HSPA12A: variants seen among roughly 807,000 people sequenced by gnomAD.
HSPA12A encodes the protein heat shock protein family A (Hsp70) member 12A.
HSPA12A carries 28 observed loss-of-function variants against 69.2 expected under a neutral mutation model. The observed-to-expected ratio is 0.40, with a 90% CI of 0.30 to 0.55. The LOEUF (loss-of-function observed/expected upper bound fraction) is 0.55. Ranked by LOEUF, HSPA12A falls within the 20% of genes least tolerant of loss-of-function variation. The pLI is 0.38. For missense variants in HSPA12A, 686 were observed against 900.7 expected (o/e 0.76, Z 3.05); for synonymous variants, 345 against 370.5 (o/e 0.93, Z 0.79).
chr10:116,678,318 A>AAC (rs1849298373), intron 10 of HSPA12A, among the ~76,000 whole-genome samples: 1 of 122,830 alleles, frequency 8.1e-6, no homozygotes, highest in African/African-American at 3.1e-5. Context: ...CTTGAATCTG[A>AAC]TTAAACCTCT....
At position 116,678,025 on chromosome 10, in the gene HSPA12A, C is replaced by T. The variant is rs902863628; in HGVS notation, c.1286+1478G>A. ...CTCATAAATGGAGGTTGAAACCCAA[C>T]CTATTTATCCTGTCTTCCCTAAGTG... On this transcript the variant is annotated intron_variant, in intron 10 of 11. Coordinates refer to ENST00000369209, the MANE Select transcript of HSPA12A (RefSeq NM_025015.3). Among the ~76,000 whole-genome samples, 3 of 151,518 alleles carry T rather than the reference C, an allele frequency of 2.0e-5. No homozygotes were observed. In the East Asian group the frequency reaches 5.8e-4, roughly 29 times the overall value.
At chr10:116,798,989 C>G (rs537678044) in intron 2 of HSPA12A, among the ~76,000 whole-genome samples, 5 of 152,084 alleles carry the variant, frequency 3.3e-5, no homozygotes, top group Non-Finnish European at 7.4e-5. Flanking sequence ...AGGGAGTGGC[C>G]GACAGGGCCC....
At position 116,750,396 on chromosome 10, in the gene HSPA12A, G is replaced by C. The variant is rs543171442; in HGVS notation, c.92-43111C>G. The C allele has an allele frequency of 2.6e-5, 18 of 701,022 alleles. No individual in the cohort carries two copies. In the East Asian group the frequency reaches 4.5e-4, roughly 18 times the overall value. 43.4% of individuals were successfully genotyped at this position (701,022 alleles called of 1,614,324 possible). ...AAAGTCTTGGGGGGCCTTGAAGGGAGCACAGATGGAGGCTTGTCTACCCCT... is the reference window on the plus strand; with the variant it reads ...AAAGTCTTGGGGGGCCTTGAAGGGACCACAGATGGAGGCTTGTCTACCCCT... On this transcript the variant is annotated intron_variant, in intron 2 of 12. Coordinates refer to the HSPA12A transcript ENST00000635765.
intron 2 of HSPA12A, among the ~76,000 whole-genome samples, chr10:116,812,362 A>G (rs1360021175): frequency 6.6e-6 from 1 of 152,144 alleles, no homozygotes; most frequent in Non-Finnish European, 1.5e-5. Flanking sequence ...CTGAGGCAGG[A>G]GAATCGCTTG....
chr10:116,791,041 G>T (rs553730175), intron 2 of HSPA12A, among the ~76,000 whole-genome samples: 2 of 152,176 alleles, frequency 1.3e-5, no homozygotes, highest in Non-Finnish European at 2.9e-5. Flanking sequence ...CTAAATCTAC[G>T]TGTTTATTTG....
chr10:116,767,758 C>T (rs572121064), intron 2 of HSPA12A, among the ~76,000 whole-genome samples: 5 of 152,262 alleles, frequency 3.3e-5, no homozygotes, highest in Admixed American at 6.5e-5. Context: ...CTTCTGATGC[C>T]GTGTGTGGCT....
intron 2 of HSPA12A, among the ~76,000 whole-genome samples, chr10:116,803,664 C>A (rs1845007927): frequency 6.6e-6 from 1 of 152,148 alleles, no homozygotes; most frequent in Admixed American, 6.5e-5. Context: ...ATGATCGGAG[C>A]GTGAACTGTA....
chr10:116,810,816 C>T (rs925998884), intron 2 of HSPA12A, among the ~76,000 whole-genome samples: 2 of 152,194 alleles, frequency 1.3e-5, no homozygotes, highest in East Asian at 1.9e-4. Flanking sequence ...AGCTCCTCTC[C>T]GTTGAACAGA....
At position 116,679,604 on chromosome 10, in the gene HSPA12A, T is replaced by G. The variant is rs1554878277; in HGVS notation, c.1185A>C (p.Pro395=). The G allele has an allele frequency of 1.2e-6, 2 of 1,614,276 alleles. No homozygotes were observed. ...AFESRKRAAA[P]DRTNPLNITL... ...TGATGTTCAGCGGGTTAGTTCTGTCTGGGGCAGCCGCCCTTTTGCGAGACT... is the reference window on the plus strand; with the variant it reads ...TGATGTTCAGCGGGTTAGTTCTGTCGGGGGCAGCCGCCCTTTTGCGAGACT... Residue 395 remains proline, a synonymous_variant, in exon 10 of 12, where the codon CCA becomes CCC. Coordinates refer to ENST00000369209, the MANE Select transcript of HSPA12A (RefSeq NM_025015.3).
rs782515117 is a variant in HSPA12A, at chr10:116,705,278, T to C, written c.127A>G (p.Asn43Asp). ...ITPLSPSHIV[N>D]DTDSNVSEQQ... ...TCTGAGACGTTGGAGTCAGTGTCGT[T>C]CTGCAGATATACAGTGAGGCATGGG... The change falls in exon 3 of 12, where the codon AAC becomes GAC. Residue 43 changes from asparagine (N) to aspartate (D), a missense_variant and splice_region_variant. Coordinates refer to ENST00000369209, the MANE Select transcript of HSPA12A (RefSeq NM_025015.3). The C allele has an allele frequency of 7.4e-6, 12 of 1,614,074 alleles. No individual in the cohort carries two copies. The highest frequency in any genetic ancestry group is 1.0e-5 in the Non-Finnish European group (12 of 1,180,016).
chr10:116,792,259 CA>C lies in HSPA12A; in HGVS notation c.91+42675del, dbSNP rs55642476. On this transcript the variant is annotated intron_variant, in intron 2 of 12. Transcript: ENST00000635765. Reference sequence around the variant, plus strand: ...GGGCAACAAGAATGAAACTCGGTCTCAAAAAAAAAAAAAAAAAAAAAATTAT... The same window carrying C: ...GGGCAACAAGAATGAAACTCGGTCTCAAAAAAAAAAAAAAAAAAAAATTAT... Among the ~76,000 whole-genome samples the C allele has an allele frequency of 7.9e-3, 484 of 60,970 alleles. 5 individuals carry two copies. Among genetic ancestry groups the C allele is most frequent in the African/African-American group, 0.027 (406 of 14,860 alleles). 40.0% of individuals were successfully genotyped at this position (60,970 alleles called of 152,430 possible).
At chr10:116,826,960 C>A (rs570450275) in intron 2 of HSPA12A, among the ~76,000 whole-genome samples, 2 of 152,162 alleles carry the variant, frequency 1.3e-5, no homozygotes, top group Non-Finnish European at 2.9e-5. Flanking sequence ...AGAGGAATCA[C>A]GTCATTTGCT....
chr10:116,763,686 C>A (rs1403410291), intron 2 of HSPA12A, among the ~76,000 whole-genome samples: 1 of 152,104 alleles, frequency 6.6e-6, no homozygotes, highest in African/African-American at 2.4e-5. Context: ...ACAAAGGGGT[C>A]ATTTTTCTCT....
chr10:116,776,309 C>T (rs575768892), intron 2 of HSPA12A, among the ~76,000 whole-genome samples: 21 of 152,156 alleles, frequency 1.4e-4, no homozygotes, highest in Admixed American at 3.9e-4. Flanking sequence ...AGCTCTTGGC[C>T]GCTTCCTCCC....
chr10:116,849,780 G>T (rs1050192157), upstream of HSPA12A: 8 of 1,459,566 alleles, frequency 5.5e-6, no homozygotes, highest in South Asian at 5.7e-5. Context: ...CTCTCCCCCC[G>T]CCCCGCGCTG....
chr10:116,737,773 G>T (rs1851357703), intron 1 of HSPA12A, among the ~76,000 whole-genome samples: 1 of 152,120 alleles, frequency 6.6e-6, no homozygotes, highest in African/African-American at 2.4e-5. Flanking sequence ...AAGGCTGGAA[G>T]AAGAGGGGTG....
chr10:116,826,594 G>A lies in HSPA12A; in HGVS notation c.91+8341C>T, dbSNP rs1845511461. 1.3e-5 allele frequency among the ~76,000 whole-genome samples: 2 copies of A among 152,130 alleles called. 1 individual carries two copies. Among genetic ancestry groups the A allele is most frequent in the South Asian group, 4.1e-4 (2 of 4,832 alleles). ...GGCAAATGGGGTTGCTTTTCTTTCT[G>A]TTTTAAGATCTCACAAACAGTTCAC... On this transcript the variant is annotated intron_variant, in intron 2 of 12. Coordinates refer to the HSPA12A transcript ENST00000635765.
intron 2 of HSPA12A, among the ~76,000 whole-genome samples, chr10:116,800,090 C>T (rs1273274374): frequency 7.2e-5 from 11 of 152,108 alleles, no homozygotes; most frequent in Admixed American, 7.2e-4. Context: ...ACTAGAAACC[C>T]GCTTCTCCCA....
intron 2 of HSPA12A, among the ~76,000 whole-genome samples, chr10:116,813,247 A>ATTTTTTTTTTTTT (rs71013618): frequency 8.0e-5 from 8 of 100,024 alleles, no homozygotes; most frequent in East Asian, 3.0e-4. Flanking sequence ...CCAGAGCTCT[A>ATTTTTTTTTTTTT]TTTTTTTTTT....
Sources: allele counts gnomAD v4.1 joint callset (sites outside exome capture counted in the v4.1 genomes callset), GRCh38; gene constraint gnomAD v4.1.1; transcripts MANE v1.5; gene names NCBI Gene and HGNC (gene_info 2026-07-23, HGNC 2026-07-21).